Variants in ANKH observed in about 807,000 individuals in gnomAD.
ANKH encodes mineralization regulator ANKH.
A neutral mutation model predicts 49.0 loss-of-function variants in ANKH; 15 were observed. That is an observed-to-expected ratio of 0.31 (90% CI 0.20 to 0.47). ANKH has a LOEUF of 0.47. ANKH is among the 20% of genes least tolerant of loss of function. The pLI, the probability that ANKH is intolerant of heterozygous loss-of-function variation, is 1.00. For missense variants in ANKH, 429 were observed against 652.0 expected (o/e 0.66, Z 3.72); for synonymous variants, 273 against 260.0 (o/e 1.05, Z -0.48).
At chr5:14,836,449 T>C (rs1741656558) in intron 1 of ANKH, among the ~76,000 whole-genome samples, 1 of 152,068 alleles carries the variant, frequency 6.6e-6, no homozygotes, top group Non-Finnish European at 1.5e-5. Flanking sequence ...TGTGCAAAAA[T>C]CACAAGCATT....
intron 1 of ANKH, among the ~76,000 whole-genome samples, chr5:14,864,998 C>T (rs1362540782): frequency 6.6e-5 from 10 of 152,132 alleles, no homozygotes; most frequent in Admixed American, 3.3e-4. Context: ...TGGTGGCTCA[C>T]GCCTGTAATC....
intron 1 of ANKH, among the ~76,000 whole-genome samples, chr5:14,858,097 G>A (rs1403496455): frequency 1.3e-5 from 2 of 152,190 alleles, no homozygotes; most frequent in Admixed American, 1.3e-4. Flanking sequence ...TGTGATGGAA[G>A]CTAGGAGCAT....
chr5:14,715,420 T>TG (rs1737411901), intron 9 of ANKH, among the ~76,000 whole-genome samples: 1 of 152,086 alleles, frequency 6.6e-6, no homozygotes, highest in Non-Finnish European at 1.5e-5. Context: ...CATAAGCCAC[T>TG]GCGCCCGGCC....
chr5:14,714,760 C>T (rs1737380935), intron 9 of ANKH, among the ~76,000 whole-genome samples: 1 of 152,220 alleles, frequency 6.6e-6, no homozygotes, highest in Non-Finnish European at 1.5e-5. Context: ...CAAAGAGTGG[C>T]AGGGCCTGGC....
Position 14,849,392 on chromosome 5 carries a change from T to C in ANKH, c.96+21960A>G, listed in dbSNP as rs192575022. ...CTCCTCCTAATGTTAGCTGTATACA[T>C]GTATTCCATAAACTGTGGCTGTTCA... On this transcript the variant is annotated intron_variant, in intron 1 of 11. Coordinates refer to ENST00000284268, the MANE Select transcript of ANKH (RefSeq NM_054027.6). 9.8e-4 allele frequency among the ~76,000 whole-genome samples: 149 copies of C among 152,326 alleles called. No homozygotes were observed. In the Middle Eastern group the frequency reaches 0.017, roughly 17 times the overall value.
intron 8 of ANKH, 50 bp from the exon 9 acceptor site, chr5:14,716,885 T>C: frequency 6.2e-7 from 1 of 1,607,100 alleles, no homozygotes; most frequent in South Asian, 1.1e-5. Context: ...TGTAAGCAGG[T>C]GAAATGAGCA....
chr5:14,860,691 G>A (rs566034857), intron 1 of ANKH, among the ~76,000 whole-genome samples: 35 of 152,194 alleles, frequency 2.3e-4, no homozygotes, highest in African/African-American at 7.7e-4. Context: ...TAAGTCAAAC[G>A]GCAAATTAGA....
intron 4 of ANKH, among the ~76,000 whole-genome samples, chr5:14,755,080 A>G (rs1232334467): frequency 6.6e-6 from 1 of 150,754 alleles, no homozygotes; most frequent in African/African-American, 2.4e-5. Flanking sequence ...AAAAAAAAAG[A>G]CATGAGAATT....
At chr5:14,861,811 T>A (rs946767907) in intron 1 of ANKH, among the ~76,000 whole-genome samples, 1 of 152,236 alleles carries the variant, frequency 6.6e-6, no homozygotes, top group African/African-American at 2.4e-5. Context: ...AGCTGGTCAG[T>A]CTGTCCCTAG....
chr5:14,840,273 C>T (rs1026320125), intron 1 of ANKH, among the ~76,000 whole-genome samples: 2 of 152,052 alleles, frequency 1.3e-5, no homozygotes, highest in Non-Finnish European at 2.9e-5. Flanking sequence ...TTATTTTTTC[C>T]TCTTTCTGTA....
At position 14,711,311 on chromosome 5, in the gene ANKH, C is replaced by G; in HGVS notation, c.1366-1G>C. ...CCGACTCATTCTCCATCTTCTTTTTCTAGACCAAAGAAGACTCATCAGTGT... is the reference window on the plus strand; with the variant it reads ...CCGACTCATTCTCCATCTTCTTTTTGTAGACCAAAGAAGACTCATCAGTGT... On this transcript the variant is annotated splice_acceptor_variant, in intron 11 of 11. Coordinates refer to ENST00000284268, the MANE Select transcript of ANKH (RefSeq NM_054027.6). LOFTEE classifies it high-confidence loss of function. The G allele has an allele frequency of 6.2e-7, 1 of 1,613,288 alleles. No individual in the cohort carries two copies.
intron 1 of ANKH, among the ~76,000 whole-genome samples, chr5:14,804,517 T>A (rs748212858): frequency 2.0e-5 from 3 of 152,202 alleles, no homozygotes; most frequent in Non-Finnish European, 4.4e-5. Flanking sequence ...GATTGGCAGG[T>A]AATAGGCTGG....
intron 1 of ANKH, among the ~76,000 whole-genome samples, chr5:14,866,677 C>T (rs965010485): frequency 6.6e-6 from 1 of 152,062 alleles, no homozygotes; most frequent in African/African-American, 2.4e-5. Context: ...CAAGTGACTT[C>T]TAAATAACTT....
intron 8 of ANKH, 31 bp downstream of exon 8, chr5:14,741,792 CAGAG>C: frequency 1.9e-6 from 3 of 1,559,106 alleles, no homozygotes; most frequent in Non-Finnish European, 2.7e-6. Flanking sequence ...AAAAACCAAA[CAGAG>C]AGAAGAGGCA....
intron 1 of ANKH, among the ~76,000 whole-genome samples, chr5:14,772,337 G>A (rs1739472393): frequency 6.6e-6 from 1 of 152,190 alleles, no homozygotes; most frequent in African/African-American, 2.4e-5. Context: ...AAATATCAAT[G>A]TGAAATATAA....
intron 1 of ANKH, among the ~76,000 whole-genome samples, chr5:14,806,099 T>C (rs1326557875): frequency 6.6e-6 from 1 of 152,226 alleles, no homozygotes; most frequent in Non-Finnish European, 1.5e-5. Flanking sequence ...TGTGCAAGAA[T>C]AATTTTCAAT....
Position 14,737,912 on chromosome 5 carries a change from T to G in ANKH, c.1011+3915A>C, listed in dbSNP as rs1340088459. On this transcript the variant is annotated intron_variant, in intron 8 of 11. Transcript: ENST00000284268. This position sits in a 1 kb window ranked among gnomAD's most constrained non-coding sequence, Gnocchi z 5.0. Reference sequence around the variant, plus strand: ...ACCCCCTTTCTCATCCTCATGCCCATCAGATGGTTTAGAGAGATCAATCAA... The same window carrying G: ...ACCCCCTTTCTCATCCTCATGCCCAGCAGATGGTTTAGAGAGATCAATCAA... Among the ~76,000 whole-genome samples, 1 of 152,146 alleles carries G rather than the reference T, an allele frequency of 6.6e-6. No individual in the cohort carries two copies. The highest frequency in any genetic ancestry group is 2.4e-5 in the African/African-American group (1 of 41,426).
intron 8 of ANKH, among the ~76,000 whole-genome samples, chr5:14,721,730 A>C (rs1174702542): frequency 1.3e-5 from 2 of 152,070 alleles, no homozygotes; most frequent in Non-Finnish European, 1.5e-5. Flanking sequence ...GGAGATCGAG[A>C]CCATCCTGGC....
At chr5:14,776,695 G>A (rs149237187) in intron 1 of ANKH, among the ~76,000 whole-genome samples, 1 of 152,334 alleles carries the variant, frequency 6.6e-6, no homozygotes, top group Non-Finnish European at 1.5e-5. Context: ...ATGAAATTCA[G>A]CAAAGAAAGT....
Sources: allele counts gnomAD v4.1 joint callset (sites outside exome capture counted in the v4.1 genomes callset), GRCh38; gene constraint gnomAD v4.1.1; non-coding constraint Gnocchi (gnomAD v3.1); transcripts MANE v1.5; gene names NCBI Gene and HGNC (gene_info 2026-07-23, HGNC 2026-07-21).